The following MICAL3 variants were observed in gnomAD, a reference collection of about 807,000 sequenced individuals.
MICAL3 encodes the protein [F-actin]-monooxygenase MICAL3.
MICAL3 carries 62 observed loss-of-function variants against 207.4 expected under a neutral mutation model. The ratio of observed to expected loss-of-function variants is 0.30; its 90% CI spans 0.24 to 0.37. The LOEUF (loss-of-function observed/expected upper bound fraction) is 0.37, where lower values mean the gene tolerates loss of function less well. Ranked by LOEUF, MICAL3 falls within the 10% of genes least tolerant of loss-of-function variation. The probability of loss-of-function intolerance (pLI) is 1.00; values close to 1 mark genes in which losing one functional copy is unlikely to be tolerated. For missense variants in MICAL3, 2,368 were observed against 2,635.6 expected, an observed-to-expected ratio of 0.90 and a Z score of 2.22; for synonymous variants, 1,077 against 1,069.3, an observed-to-expected ratio of 1.01 and a Z score of -0.14.
intron 16 of MICAL3, among the ~76,000 whole-genome samples, chr22:17,877,929 T>C (rs964756368): frequency 6.6e-6 from 1 of 152,104 alleles, no homozygotes; most frequent in Admixed American, 6.5e-5. Context: ...CTTGGCTCAC[T>C]GCAAGCTCTG....
chr22:17,991,992 G>A lies in MICAL3; in HGVS notation c.-75+32289C>T, dbSNP rs138850616. ...AGCAGCATGAACAATCTAATGCCCA[G>A]AGCATGGATGAGGCGCCTCCATGCC... On this transcript the variant is annotated intron_variant, in intron 1 of 31. Transcript: ENST00000441493. 6.0e-3 allele frequency among the ~76,000 whole-genome samples: 914 copies of A among 152,284 alleles called. 10 individuals are homozygous for A. The highest frequency in any genetic ancestry group is 0.021 in the African/African-American group (879 of 41,544).
Position 17,817,647 on chromosome 22 carries a change from C to T in MICAL3, c.5014G>A (p.Val1672Ile). 1.9e-6 allele frequency: 3 copies of T among 1,612,632 alleles called. No homozygotes were observed. The highest frequency in any genetic ancestry group is 1.3e-5 in the African/African-American group (1 of 75,040). ...TLKHEATSEE[V>I]LSPPSDSGGP... Reference sequence around the variant, plus strand: ...CCTGAGTCCGACGGCGGGGAGAGGACCTCCTCGCTGGTGGCTTCATGCTTC... The same window carrying T: ...CCTGAGTCCGACGGCGGGGAGAGGATCTCCTCGCTGGTGGCTTCATGCTTC... Residue 1672 changes from valine (V) to isoleucine (I), a missense_variant, in exon 26 of 32, where the codon GTC becomes ATC. This residue lies in a region of MICAL3 where 1,770 missense variants were observed against 1,863.2 expected (regional missense o/e 0.95). Transcript: ENST00000441493.
In MICAL3 at chr22:17,847,557, C is replaced by A. The variant is rs115396306; in HGVS notation, c.2606-5540G>T. 1.6e-3 allele frequency among the ~76,000 whole-genome samples: 247 copies of A among 152,352 alleles called. 1 individual carries two copies. Among genetic ancestry groups the A allele is most frequent in the African/African-American group, 5.7e-3 (239 of 41,574 alleles). Reference sequence around the variant, plus strand: ...CCTGGGGCAGCCCACATTCTGATAGCCTATGGGTGTCACCCATCTGCTAAG... The same window carrying A: ...CCTGGGGCAGCCCACATTCTGATAGACTATGGGTGTCACCCATCTGCTAAG... On this transcript the variant is annotated intron_variant, in intron 19 of 31. Transcript: ENST00000441493.
intron 10 of MICAL3, among the ~76,000 whole-genome samples, chr22:17,894,425 G>T (rs1457774184): frequency 2.0e-5 from 3 of 150,526 alleles, no homozygotes; most frequent in Non-Finnish European, 4.4e-5. Flanking sequence ...AAAGAAAAGA[G>T]AGAAAAAATT....
intron 1 of MICAL3, among the ~76,000 whole-genome samples, chr22:17,918,256 G>A (rs1932663240): frequency 6.6e-6 from 1 of 151,870 alleles, no homozygotes; most frequent in Admixed American, 6.6e-5. Flanking sequence ...ACTCTGGCCT[G>A]GCGGACAGAA....
At position 17,818,114 on chromosome 22, in the gene MICAL3, C is replaced by A; in HGVS notation, c.4547G>T (p.Ser1516Ile). 1 of 1,612,100 alleles carries A rather than the reference C, an allele frequency of 6.2e-7. No individual in the cohort carries two copies. The highest frequency in any genetic ancestry group is 8.5e-7 in the Non-Finnish European group (1 of 1,179,354). The stretch of plus-strand genomic sequence containing the variant: ...ATCAGCAAAGGGAATCTCCTCCACG[C>A]TCTCCACAAACGACTTCCGCACCTC... Reference protein sequence around the residue: ...REEVRKSFVESVEEIPFADDV... With the variant: ...REEVRKSFVEIVEEIPFADDV... Residue 1516 changes from serine to isoleucine, a missense_variant, in exon 26 of 32, where the codon AGC (serine) becomes ATC (isoleucine). Ser to Ile is a moderately radical substitution (Grantham distance 142, BLOSUM62 -2). Around this residue, in one of 4 missense-constraint regions of MICAL3, gnomAD observed 1,770 missense variants for 1,863.2 expected, o/e 0.95. Coordinates refer to ENST00000441493, the MANE Select transcript of MICAL3 (RefSeq NM_015241.3).
intron 23 of MICAL3, 113 bp from the exon 24 acceptor site, chr22:17,822,283 G>C: frequency 3.8e-6 from 5 of 1,314,136 alleles, no homozygotes; most frequent in Non-Finnish European, 5.1e-6. Context: ...CTCAGGTGCA[G>C]GCCTGGAGGC....
At chr22:17,896,224 A>C in intron 9 of MICAL3, 22 bp downstream of exon 9, 4 of 1,411,578 alleles carry the variant, frequency 2.8e-6, no homozygotes, top group Non-Finnish European at 3.9e-6. Flanking sequence ...CATGAAAGGA[A>C]CCCCGGGTTA....
chr22:17,814,552 G>A (rs1195079081), intron 27 of MICAL3: 1 of 152,176 alleles, frequency 6.6e-6, no homozygotes, highest in Non-Finnish European at 1.5e-5. Context: ...TGTCCTTTAT[G>A]GCTGTTTTTG....
intron 29 of MICAL3, among the ~76,000 whole-genome samples, chr22:17,808,139 G>A (rs1365580895): frequency 1.3e-5 from 2 of 152,246 alleles, no homozygotes; most frequent in African/African-American, 2.4e-5. Flanking sequence ...TATGCTGAGC[G>A]CAGCCGCGCA....
intron 22 of MICAL3, among the ~76,000 whole-genome samples, chr22:17,823,674 A>G (rs973462978): frequency 6.6e-6 from 1 of 152,252 alleles, no homozygotes; most frequent in Non-Finnish European, 1.5e-5. Flanking sequence ...TACAAGGTAT[A>G]TATGACACAT....
At chr22:17,967,463 AACACACACACAC>A (rs71184751) in intron 1 of MICAL3, among the ~76,000 whole-genome samples, 2 of 126,052 alleles carry the variant, frequency 1.6e-5, no homozygotes, top group South Asian at 4.8e-4. Flanking sequence ...TGTACATGCA[AACACACACACAC>A]ACACACACAC....
At chr22:17,891,741 G>A (rs1005822499) in intron 11 of MICAL3, 109 bp from the exon 12 acceptor site, 1 of 1,021,696 alleles carries the variant, frequency 9.8e-7, no homozygotes, top group Non-Finnish European at 1.5e-6. Context: ...TGAGGGTAGG[G>A]ACGAAACAGT....
intron 1 of MICAL3, among the ~76,000 whole-genome samples, chr22:17,935,907 A>G (rs1933495116): frequency 1.3e-5 from 2 of 152,224 alleles, no homozygotes; most frequent in Admixed American, 1.3e-4. Context: ...AATGGCAATC[A>G]TTAAAAAGTC....
intron 1 of MICAL3, among the ~76,000 whole-genome samples, chr22:17,997,769 T>C (rs1922457975): frequency 6.6e-6 from 1 of 152,130 alleles, no homozygotes; most frequent in South Asian, 2.1e-4. Flanking sequence ...GGATGATAAG[T>C]TCTACCTTGA....
chr22:17,899,693 C>A, intron 6 of MICAL3, 145 bp from the exon 7 acceptor site: 1 of 625,562 alleles, frequency 1.6e-6, no homozygotes, highest in Non-Finnish European at 2.9e-6. Context: ...ATTCTCACGT[C>A]CTGTATCATC....
intron 19 of MICAL3, among the ~76,000 whole-genome samples, chr22:17,859,654 C>G (rs1374274260): frequency 6.6e-6 from 1 of 152,256 alleles, no homozygotes; most frequent in African/African-American, 2.4e-5. Context: ...AACTTTCAAC[C>G]TTACCAGGAG....
At chr22:17,884,358 G>A in intron 16 of MICAL3, 1 of 1,589,694 alleles carries the variant, frequency 6.3e-7, no homozygotes, top group Non-Finnish European at 8.5e-7. Flanking sequence ...TCTTGTGTCA[G>A]CTGGGACACA....
chr22:17,923,530 T>C (rs1932847094), intron 1 of MICAL3, among the ~76,000 whole-genome samples: 1 of 152,254 alleles, frequency 6.6e-6, no homozygotes, highest in Admixed American at 6.5e-5. Flanking sequence ...TGCCAGCACC[T>C]GATGGCCAAA....
Sources: gnomAD v4.1 joint callset for allele counts (sites outside exome capture counted in the v4.1 genomes callset) on GRCh38, gnomAD v4.1.1 for gene constraint, gnomAD v4.1.1 regional missense constraint, MANE v1.5 for transcripts, NCBI Gene and HGNC (gene_info 2026-07-23, HGNC 2026-07-21) for gene names.